Variants in NEURL1B observed in about 807,000 individuals in gnomAD.
NEURL1B encodes the protein E3 ubiquitin-protein ligase NEURL1B.
Under a neutral mutation model 37.4 loss-of-function variants are expected in NEURL1B, and 13 were observed. The observed-to-expected ratio is 0.35, with a 90% confidence interval of 0.23 to 0.55. The LOEUF is 0.55. Among genes scored for constraint, NEURL1B ranks in the 20% least tolerant of loss-of-function variants. NEURL1B has a pLI of 0.89. For missense variants in NEURL1B, 790 were observed against 879.2 expected (o/e 0.90, Z 1.28); for synonymous variants, 432 against 426.6 (o/e 1.01, Z -0.16).
At position 172,641,355 on chromosome 5, in the gene NEURL1B, A is replaced by G; in HGVS notation, c.-52A>G. The G allele has an allele frequency of 1.5e-6, 2 of 1,376,188 alleles. No individual in the cohort carries two copies. The highest frequency in any genetic ancestry group is 1.9e-6 in the Non-Finnish European group (2 of 1,064,236). 85.2% of individuals were successfully genotyped at this position (1,376,188 alleles called of 1,614,324 possible). On this transcript the variant is annotated 5_prime_UTR_variant, in exon 1 of 5. Transcript: ENST00000369800. The surrounding 1 kb of genome is among the most constrained non-coding windows in gnomAD (Gnocchi z 6.4). Reference sequence around the variant, plus strand: ...CTGGTCCCTGGCCCGCCGCGTAATTAGCCTCCGCGCGCCCAGAGCGCGCCG... The same window carrying G: ...CTGGTCCCTGGCCCGCCGCGTAATTGGCCTCCGCGCGCCCAGAGCGCGCCG...
intron 1 of NEURL1B, among the ~76,000 whole-genome samples, chr5:172,646,777 T>G (rs883150): frequency 0.23 from 35,386 of 151,440 alleles, 4,608 homozygotes; most frequent in African/African-American, 0.33. Flanking sequence ...GCTGAGCCCG[T>G]AAAGAAGAGA....
chr5:172,660,113 G>T (rs913738633), intron 1 of NEURL1B, among the ~76,000 whole-genome samples: 1 of 152,176 alleles, frequency 6.6e-6, no homozygotes, highest in Non-Finnish European at 1.5e-5. Context: ...TGATGTACTC[G>T]AGAAGGAATG....
chr5:172,649,236 T>C (rs1039466985), intron 1 of NEURL1B, among the ~76,000 whole-genome samples: 2 of 151,782 alleles, frequency 1.3e-5, no homozygotes, highest in Non-Finnish European at 2.9e-5. Flanking sequence ...CCCTGGAGTA[T>C]CCAATGCATC....
rs1758220809 is a variant in NEURL1B at position 172,675,719 on chromosome 5, A to T, written c.577+5389A>T. ...TGACCAGAAGCATTTCAGATTTTAGACGTTTTTGGATTTTGGAATATTTGT... is the reference window on the plus strand; with the variant it reads ...TGACCAGAAGCATTTCAGATTTTAGTCGTTTTTGGATTTTGGAATATTTGT... On this transcript the variant is annotated intron_variant, in intron 2 of 4. Transcript: ENST00000369800. The surrounding 1 kb of genome is among the most constrained non-coding windows in gnomAD (Gnocchi z 4.7). 6.6e-6 allele frequency among the ~76,000 whole-genome samples: 1 copy of T among 152,096 alleles called. No homozygotes were observed. The highest frequency in any genetic ancestry group is 6.5e-5 in the Admixed American group (1 of 15,272).
Position 172,686,751 on chromosome 5 carries a change from C to T in NEURL1B, c.1494C>T (p.Ile498=), listed in dbSNP as rs781317374. 8 of 1,551,504 alleles carry T rather than the reference C, an allele frequency of 5.2e-6. No individual in the cohort carries two copies. Among genetic ancestry groups the T allele is most frequent in the Non-Finnish European group, 7.0e-6 (8 of 1,147,082 alleles). Residue 498 remains isoleucine (I), a synonymous_variant, in exon 5 of 5, where the codon ATC becomes ATT. Coordinates refer to ENST00000369800, the MANE Select transcript of NEURL1B (RefSeq NM_001142651.3). This position sits in a 1 kb window ranked among gnomAD's most constrained non-coding sequence, Gnocchi z 7.9. ...PVFSPPEPAG[I]KNGECTVCFD... ...TCTCCCCACCGGAGCCGGCAGGCAT[C>T]AAGAATGGCGAGTGCACGGTGTGCT...
chr5:172,678,010 C>T (rs1758272248), intron 2 of NEURL1B, among the ~76,000 whole-genome samples: 1 of 152,130 alleles, frequency 6.6e-6, no homozygotes, highest in Non-Finnish European at 1.5e-5. Flanking sequence ...CATCCTGGGC[C>T]CACTACCGGG....
In NEURL1B at chr5:172,666,526, A is replaced by G. The variant is rs186468375; in HGVS notation, c.32-3259A>G. On this transcript the variant is annotated intron_variant, in intron 1 of 4. Coordinates refer to ENST00000369800, the MANE Select transcript of NEURL1B (RefSeq NM_001142651.3). ...AGAAGAGGGCGCCCCTAGCCAAAAA[A>G]TCTGCAGTCATCTGATTGGCCACCC... is the stretch of plus-strand genomic sequence containing the variant. Among the ~76,000 whole-genome samples the G allele has an allele frequency of 1.7e-3, 253 of 152,298 alleles. 3 individuals are homozygous for G. Among genetic ancestry groups the G allele is most frequent in the Admixed American group, 0.015 (227 of 15,310 alleles).
rs147474603 is a variant in NEURL1B at position 172,687,298 on chromosome 5, TGAGA to T, written c.*388_*391del. The T allele has an allele frequency of 2.9e-4, 55 of 191,310 alleles. No homozygotes were observed. Among genetic ancestry groups the T allele is most frequent in the Middle Eastern group, 2.1e-3 (1 of 484 alleles). The allele number at this position is 191,310 out of a possible 1,614,324, so 11.9% of individuals were successfully genotyped here. ...AGGGAGAACAGAGAGAATGTGTGTG[TGAGA>T]GAGAGAGAGAGAGAATGAACGTGTA... On this transcript the variant is annotated 3_prime_UTR_variant, in exon 5 of 5. Coordinates refer to ENST00000369800, the MANE Select transcript of NEURL1B (RefSeq NM_001142651.3).
intron 1 of NEURL1B, among the ~76,000 whole-genome samples, chr5:172,663,829 T>TTGTTTATTATTATTATTATTATTATTA (rs1757951653): frequency 7.1e-6 from 1 of 140,826 alleles, no homozygotes; most frequent in Non-Finnish European, 1.5e-5. Context: ...GTTTTATTTG[T>TTGTTTATTATTATTATTATTATTATTA]TTATTATTAT....
rs1758516270 is a variant in NEURL1B at position 172,686,979 on chromosome 5, C to G, written c.*54C>G. On this transcript the variant is annotated 3_prime_UTR_variant, in exon 5 of 5. Transcript: ENST00000369800. This position sits in a 1 kb window ranked among gnomAD's most constrained non-coding sequence, Gnocchi z 7.9. The stretch of plus-strand genomic sequence containing the variant: ...GCAAGGTCACCTTTCTGAAGGCCCC[C>G]TGGGCTGGGCAACCACATGGCTGCC... The G allele has an allele frequency of 9.3e-6, 14 of 1,508,954 alleles. No homozygotes were observed. In the South Asian group the frequency reaches 1.1e-4, roughly 12 times the overall value. 93.5% of individuals were successfully genotyped at this position (1,508,954 alleles called of 1,614,324 possible).
chr5:172,670,527 T>C (rs1471428713), intron 2 of NEURL1B, among the ~76,000 whole-genome samples, 197 bp downstream of exon 2: 3 of 152,256 alleles, frequency 2.0e-5, no homozygotes, highest in Admixed American at 6.5e-5. Context: ...AACTGAGGCA[T>C]AGAGAGGTTA....
At position 172,669,873 on chromosome 5, in the gene NEURL1B, C is replaced by A; in HGVS notation, c.120C>A (p.Arg40=). ...ERRPVLGEAP[R]FHAQAKGKNV... ...GCCCGGTCCTGGGCGAGGCGCCGCG[C>A]TTCCACGCGCAGGCCAAAGGCAAGA... is the stretch of plus-strand genomic sequence containing the variant. The change falls in exon 2 of 5, where the codon CGC becomes CGA. Residue 40 remains arginine (R), a synonymous_variant. Transcript: ENST00000369800. 1 of 1,407,618 alleles carries A rather than the reference C, an allele frequency of 7.1e-7. No homozygotes were observed. Among genetic ancestry groups the A allele is most frequent in the Non-Finnish European group, 9.2e-7 (1 of 1,081,270 alleles). The allele number at this position is 1,407,618 out of a possible 1,614,324, so 87.2% of individuals were successfully genotyped here.
At position 172,686,425 on chromosome 5, in the gene NEURL1B, T is replaced by C. The variant is rs1224722057; in HGVS notation, c.1423+129T>C. 2 of 1,042,242 alleles carry C rather than the reference T, an allele frequency of 1.9e-6. No individual in the cohort carries two copies. The highest frequency in any genetic ancestry group is 2.8e-6 in the Non-Finnish European group (2 of 717,668). The allele number at this position is 1,042,242 out of a possible 1,614,324, so 64.6% of individuals were successfully genotyped here. On this transcript the variant is annotated intron_variant, in intron 4 of 4. Coordinates refer to ENST00000369800, the MANE Select transcript of NEURL1B (RefSeq NM_001142651.3). The surrounding 1 kb of genome is among the most constrained non-coding windows in gnomAD (Gnocchi z 7.9). ...CCCCGCATCCTCTCCTTCCCTCAGC[T>C]GTATGCTCAGCTGGAGGGAGGAGAA...
intron 1 of NEURL1B, among the ~76,000 whole-genome samples, chr5:172,659,405 A>G (rs1757854358): frequency 6.6e-6 from 1 of 152,160 alleles, no homozygotes; most frequent in East Asian, 1.9e-4. Context: ...GAGAAACGGT[A>G]GGCCTGGCAA....
In NEURL1B at chr5:172,656,726, C is replaced by T. The variant is rs147239362; in HGVS notation, c.32-13059C>T. 723 of 1,037,054 alleles carry T rather than the reference C, an allele frequency of 7.0e-4. 1 individual carries two copies. In the African/African-American group the frequency reaches 8.3e-3, roughly 12 times the overall value. 64.2% of individuals were successfully genotyped at this position (1,037,054 alleles called of 1,614,324 possible). A position where few individuals can be genotyped will look rare whatever the true frequency, so the allele number is the denominator to read the frequency against. ...CGCGGCCGGACATGGCGCCTGCCGC[C>T]GCTTCCCCAGAAGTTAAGTTTAAAA... On this transcript the variant is annotated intron_variant, in intron 1 of 4. Transcript: ENST00000369800.
Position 172,676,444 on chromosome 5 carries a change from C to T in NEURL1B, c.577+6114C>T, listed in dbSNP as rs72809915. 2.0e-3 allele frequency among the ~76,000 whole-genome samples: 299 copies of T among 152,354 alleles called. No homozygotes were observed. The highest frequency in any genetic ancestry group is 3.0e-3 in the Non-Finnish European group (206 of 68,042). The stretch of plus-strand genomic sequence containing the variant: ...TCTGCCTGTCATCTCTAGATGTAGC[C>T]TCATGGATCTGGCCTGGGTCACATG... On this transcript the variant is annotated intron_variant, in intron 2 of 4. Transcript: ENST00000369800. The surrounding 1 kb of genome is among the most constrained non-coding windows in gnomAD (Gnocchi z 4.5).
chr5:172,642,589 A>G (rs1438577970), intron 1 of NEURL1B, among the ~76,000 whole-genome samples: 2 of 152,226 alleles, frequency 1.3e-5, no homozygotes, highest in African/African-American at 2.4e-5. Context: ...TAGGCATTAC[A>G]TGCTCTTAAA....
rs1195651329 is a variant in NEURL1B, at chr5:172,657,153, C to T, written c.32-12632C>T. 2.6e-5 allele frequency among the ~76,000 whole-genome samples: 4 copies of T among 152,312 alleles called. No individual in the cohort carries two copies. The highest frequency in any genetic ancestry group is 2.1e-4 in the South Asian group (1 of 4,820). ...ATTCAGACCTGAGTCGAATCCTCAC[C>T]GTGCTGTTTATCTGCCTCATGAACT... On this transcript the variant is annotated intron_variant, in intron 1 of 4. Coordinates refer to ENST00000369800, the MANE Select transcript of NEURL1B (RefSeq NM_001142651.3). The surrounding 1 kb of genome is among the most constrained non-coding windows in gnomAD (Gnocchi z 4.0).
Position 172,641,515 on chromosome 5 carries a change from G to C in NEURL1B, c.31+78G>C, listed in dbSNP as rs557940772. The C allele has an allele frequency of 8.5e-6, 10 of 1,170,162 alleles. No homozygotes were observed. The highest frequency in any genetic ancestry group is 1.1e-5 in the Non-Finnish European group (10 of 926,048). The allele number at this position is 1,170,162 out of a possible 1,614,324, so 72.5% of individuals were successfully genotyped here. A position where few individuals can be genotyped will look rare whatever the true frequency, so the allele number is the denominator to read the frequency against. On this transcript the variant is annotated intron_variant, in intron 1 of 4. Transcript: ENST00000369800. The surrounding 1 kb of genome is among the most constrained non-coding windows in gnomAD (Gnocchi z 6.4). ...GGGACCCGCTGGGTGACTCTGGAGA[G>C]CTACCCCACGGCCCTTGGAGCCCTC...
Sources: allele counts gnomAD v4.1 joint callset (sites outside exome capture counted in the v4.1 genomes callset), GRCh38; gene constraint gnomAD v4.1.1; non-coding constraint Gnocchi (gnomAD v3.1); transcripts MANE v1.5; gene names NCBI Gene and HGNC (gene_info 2026-07-23, HGNC 2026-07-21).